The following PCDHGB4 variants were observed in gnomAD, a reference collection of about 807,000 sequenced individuals.
PCDHGB4 encodes the protein protocadherin gamma subfamily B, 4.
PCDHGB4 carries 38 observed loss-of-function variants against 60.5 expected under a neutral mutation model. That is an observed-to-expected ratio of 0.63 (90% CI 0.48 to 0.82). The LOEUF is 0.82. Ranked by LOEUF, PCDHGB4 falls within the 40% of genes least tolerant of loss-of-function variation. The probability of loss-of-function intolerance (pLI) is 0.00; values close to 1 mark genes in which losing one functional copy is unlikely to be tolerated. For synonymous variants in PCDHGB4, 456 were observed against 509.7 expected (o/e 0.89, Z 1.42); for missense variants, 1,109 against 1,209.6 (o/e 0.92, Z 1.23).
Position 141,490,975 on chromosome 5 carries a change from C to T in PCDHGB4, c.2398-3832C>T. 1 of 1,614,056 alleles carries T rather than the reference C, an allele frequency of 6.2e-7. No individual in the cohort carries two copies. Among genetic ancestry groups the T allele is most frequent in the African/African-American group, 1.3e-5 (1 of 75,070 alleles). ...CTGGGAACACTCAGCCCCCCAGCGT[C>T]TCCCTCGCTCTGCTCCTCCTGGCTC... On this transcript the variant is annotated intron_variant, in intron 1 of 3. Coordinates refer to ENST00000519479, the MANE Select transcript of PCDHGB4 (RefSeq NM_003736.4). This position sits in a 1 kb window ranked among gnomAD's most constrained non-coding sequence, Gnocchi z 5.4.
intron 1 of PCDHGB4, among the ~76,000 whole-genome samples, chr5:141,452,316 T>C (rs2098738639): frequency 6.6e-6 from 1 of 152,208 alleles, no homozygotes; most frequent in Non-Finnish European, 1.5e-5. Flanking sequence ...ACTCATACTT[T>C]CCTTGTTCCA....
At chr5:141,415,015 A>C (rs2095814085) in intron 1 of PCDHGB4, 1 of 1,613,598 alleles carries the variant, frequency 6.2e-7, no homozygotes, top group East Asian at 2.2e-5. Flanking sequence ...CCGTCTGCTC[A>C]AGGCCAGCGA....
intron 2 of PCDHGB4, among the ~76,000 whole-genome samples, chr5:141,500,900 C>T (rs1309164700): frequency 4.0e-5 from 6 of 150,642 alleles, no homozygotes; most frequent in South Asian, 2.1e-4. Flanking sequence ...GAGACAGTCT[C>T]GCTCTGTCTC....
Position 141,487,892 on chromosome 5 carries a change from T to A in PCDHGB4, c.2398-6915T>A. On this transcript the variant is annotated intron_variant, in intron 1 of 3. Coordinates refer to ENST00000519479, the MANE Select transcript of PCDHGB4 (RefSeq NM_003736.4). The surrounding 1 kb of genome is among the most constrained non-coding windows in gnomAD (Gnocchi z 5.0). The stretch of plus-strand genomic sequence containing the variant: ...GAGCCAGGCTGTTGTGGAAGCATGA[T>A]GATGGAATGTGGGAGCACAGGAGGC... 1 of 731,410 alleles carries A rather than the reference T, an allele frequency of 1.4e-6. No homozygotes were observed. Among genetic ancestry groups the A allele is most frequent in the South Asian group, 1.8e-5 (1 of 54,120 alleles). The allele number at this position is 731,410 out of a possible 1,614,324, so 45.3% of individuals were successfully genotyped here. A position where few individuals can be genotyped will look rare whatever the true frequency, so the allele number is the denominator to read the frequency against.
chr5:141,496,081 C>A (rs976166091), intron 2 of PCDHGB4, among the ~76,000 whole-genome samples: 1 of 152,060 alleles, frequency 6.6e-6, no homozygotes, highest in Non-Finnish European at 1.5e-5. Flanking sequence ...CACAACCCCC[C>A]ACCCACCACC....
Position 141,485,087 on chromosome 5 carries a change from T to G in PCDHGB4, c.2398-9720T>G. The G allele has an allele frequency of 2.0e-6, 2 of 1,000,176 alleles. No homozygotes were observed. The highest frequency in any genetic ancestry group is 1.5e-6 in the Non-Finnish European group (1 of 651,808). 62.0% of individuals were successfully genotyped at this position (1,000,176 alleles called of 1,614,324 possible). A position where few individuals can be genotyped will look rare whatever the true frequency, so the allele number is the denominator to read the frequency against. The stretch of plus-strand genomic sequence containing the variant: ...CAGAGCTGGCGCGGGGAAAGGGAGA[T>G]AGGTGTCTCCAGCTGCTGTGGCTGT... On this transcript the variant is annotated intron_variant, in intron 1 of 3. Transcript: ENST00000519479. This position sits in a 1 kb window ranked among gnomAD's most constrained non-coding sequence, Gnocchi z 5.7.
chr5:141,486,337 C>T lies in PCDHGB4; in HGVS notation c.2398-8470C>T, dbSNP rs116799150. On this transcript the variant is annotated intron_variant, in intron 1 of 3. Coordinates refer to ENST00000519479, the MANE Select transcript of PCDHGB4 (RefSeq NM_003736.4). The surrounding 1 kb of genome is among the most constrained non-coding windows in gnomAD (Gnocchi z 5.0). ...GGTCAAACGGAGATGTGAGCCTCCG[C>T]ATTCCTGACCACTTGCCATTTGCCC... 1 of 1,614,076 alleles carries T rather than the reference C, an allele frequency of 6.2e-7. No homozygotes were observed. Among genetic ancestry groups the T allele is most frequent in the Non-Finnish European group, 8.5e-7 (1 of 1,179,966 alleles).
intron 1 of PCDHGB4, chr5:141,415,523 T>G (rs1245542927): frequency 1.9e-6 from 3 of 1,614,196 alleles, no homozygotes; most frequent in Non-Finnish European, 2.5e-6. Context: ...GCGGACACGC[T>G]CATCAGCCAG....
chr5:141,429,913 T>C (rs1013990672), intron 1 of PCDHGB4, among the ~76,000 whole-genome samples: 29 of 152,238 alleles, frequency 1.9e-4, no homozygotes, highest in African/African-American at 7.0e-4. Context: ...TGAAATATAA[T>C]GTATTAATAG....
chr5:141,494,891 C>G, intron 2 of PCDHGB4, 26 bp downstream of exon 2: 1 of 1,614,098 alleles, frequency 6.2e-7, no homozygotes. Flanking sequence ...TCCAGCCCAC[C>G]CTCTTCTCTG....
rs765744557 is a variant in PCDHGB4, at chr5:141,389,542, G to A, written c.1658G>A (p.Arg553His). Residue 553 changes from arginine to histidine, a missense_variant, in exon 1 of 4, where the codon CGC becomes CAC. Transcript: ENST00000519479. ...AGCCTGCGCGTGTTAGTGGACGACCGCAACGACAATGCGCCACGGGTGCTG... is the reference window on the plus strand; with the variant it reads ...AGCCTGCGCGTGTTAGTGGACGACCACAACGACAATGCGCCACGGGTGCTG... ...NVSLRVLVDD[R>H]NDNAPRVLYP... is the part of the protein sequence containing the mutation. The A allele has an allele frequency of 5.0e-6, 8 of 1,613,080 alleles. No homozygotes were observed. The highest frequency in any genetic ancestry group is 2.7e-5 in the African/African-American group (2 of 74,940).
At chr5:141,454,875 T>G (rs2098805612) in intron 1 of PCDHGB4, among the ~76,000 whole-genome samples, 1 of 144,402 alleles carries the variant, frequency 6.9e-6, no homozygotes, top group African/African-American at 2.6e-5. Context: ...TGGCACGATC[T>G]TGGCTCACTG....
At position 141,485,662 on chromosome 5, in the gene PCDHGB4, G is replaced by T. The variant is rs778404230; in HGVS notation, c.2398-9145G>T. ...AAAAGGCTCAGGATGCAGATGTGGG[G>T]AGCAATTCGATTAGCAGCTATAGGC... On this transcript the variant is annotated intron_variant, in intron 1 of 3. Coordinates refer to ENST00000519479, the MANE Select transcript of PCDHGB4 (RefSeq NM_003736.4). This position sits in a 1 kb window ranked among gnomAD's most constrained non-coding sequence, Gnocchi z 5.7. The T allele has an allele frequency of 1.1e-5, 18 of 1,612,748 alleles. No individual in the cohort carries two copies. The South Asian group carries it at 1.9e-4, about 17-fold the overall frequency.
chr5:141,447,018 G>GT (rs1329161304), intron 1 of PCDHGB4, among the ~76,000 whole-genome samples: 6 of 142,194 alleles, frequency 4.2e-5, no homozygotes, highest in African/African-American at 1.6e-4. Context: ...GTTCAGTTTT[G>GT]TTTTGTTTTT....
intron 1 of PCDHGB4, chr5:141,414,764 A>G: frequency 6.2e-7 from 1 of 1,614,194 alleles, no homozygotes; most frequent in Non-Finnish European, 8.5e-7. Flanking sequence ...GAGCAGTTTC[A>G]TGAGCTACAG....
intron 1 of PCDHGB4, chr5:141,468,586 G>C (rs1232477889): frequency 1.3e-5 from 2 of 152,176 alleles, no homozygotes; most frequent in East Asian, 1.9e-4. Context: ...GGTACTAAAG[G>C]CTGGGCGCGG....
Position 141,486,955 on chromosome 5 carries a change from T to A in PCDHGB4, c.2398-7852T>A, listed in dbSNP as rs1459820579. 1.9e-6 allele frequency: 3 copies of A among 1,614,128 alleles called. No individual in the cohort carries two copies. The highest frequency in any genetic ancestry group is 2.5e-6 in the Non-Finnish European group (3 of 1,180,048). ...CTGGCCACCTAATCACAAAGGTGACTGCTGTGGACTTGGATTCAGGTTACA... is the reference window on the plus strand; with the variant it reads ...CTGGCCACCTAATCACAAAGGTGACAGCTGTGGACTTGGATTCAGGTTACA... On this transcript the variant is annotated intron_variant, in intron 1 of 3. Coordinates refer to ENST00000519479, the MANE Select transcript of PCDHGB4 (RefSeq NM_003736.4). This position sits in a 1 kb window ranked among gnomAD's most constrained non-coding sequence, Gnocchi z 5.0.
intron 1 of PCDHGB4, among the ~76,000 whole-genome samples, chr5:141,469,723 C>G (rs2099209474): frequency 6.6e-6 from 1 of 152,210 alleles, no homozygotes; most frequent in Non-Finnish European, 1.5e-5. Context: ...AGGAATTTAT[C>G]ATAAATACAC....
rs549842756 is a variant in PCDHGB4 at position 141,470,331 on chromosome 5, A to T, written c.2398-24476A>T. ...TTTCCTCAAATGATCCCATAATTTG[A>T]CCTTAGGAAGCTGTTCAAATAGACA... is the stretch of plus-strand genomic sequence containing the variant. On this transcript the variant is annotated intron_variant, in intron 1 of 3. Transcript: ENST00000519479. 3.3e-4 allele frequency among the ~76,000 whole-genome samples: 50 copies of T among 152,244 alleles called. 1 individual carries two copies. Among genetic ancestry groups the T allele is most frequent in the African/African-American group, 1.1e-3 (47 of 41,536 alleles).
Sources: allele counts gnomAD v4.1 joint callset (sites outside exome capture counted in the v4.1 genomes callset), GRCh38; gene constraint gnomAD v4.1.1; non-coding constraint Gnocchi (gnomAD v3.1); transcripts MANE v1.5; gene names NCBI Gene and HGNC (gene_info 2026-07-23, HGNC 2026-07-21).